Variants in HMGXB4 observed in about 807,000 individuals in gnomAD.
The protein encoded by HMGXB4 is HMG-box containing 4, also known as HMG domain-containing protein 4.
Under a neutral mutation model 63.9 loss-of-function variants are expected in HMGXB4, and 27 were observed. That is an observed-to-expected ratio of 0.42 (90% CI 0.31 to 0.58). HMGXB4 has a LOEUF of 0.58. HMGXB4 is among the 20% of genes least tolerant of loss of function. The pLI is 0.13. For missense variants in HMGXB4, 624 were observed against 700.7 expected (o/e 0.89, Z 1.24); for synonymous variants, 264 against 265.3 (o/e 0.99, Z 0.05).
At chr22:35,274,829 T>A (rs1163341104) in intron 5 of HMGXB4, among the ~76,000 whole-genome samples, 1 of 152,246 alleles carries the variant, frequency 6.6e-6, no homozygotes, top group African/African-American at 2.4e-5. Context: ...ATCTGCTGGT[T>A]TTCCTTTTAG....
chr22:35,265,328 C>CAGAATA lies in HMGXB4; in HGVS notation c.940_941insAGAATA (p.Tyr313_Arg314insGlnAsn), dbSNP rs1923149783. 6.2e-7 allele frequency: 1 copy of CAGAATA among 1,613,224 alleles called. No individual in the cohort carries two copies. On this transcript the variant is annotated inframe_insertion, in exon 5 of 11. Coordinates refer to ENST00000216106, the MANE Select transcript of HMGXB4 (RefSeq NM_001003681.3). ...GGAGTTAGTGATAGATGATTCTTAC[C>CAGAATA]GAGAAATCAAGAAGAAAAAGAAGTC...
intron 4 of HMGXB4, 37 bp from the exon 5 acceptor site, chr22:35,264,611 C>T: frequency 2.1e-6 from 3 of 1,435,084 alleles, no homozygotes; most frequent in Non-Finnish European, 1.9e-6. Flanking sequence ...AAGTTGCTTC[C>T]CATCATATTG....
chr22:35,243,333 G>C, the HMGXB4 span, among the ~76,000 whole-genome samples: 1 of 152,054 alleles, frequency 6.6e-6, no homozygotes, highest in Non-Finnish European at 1.5e-5. Context: ...TCACGCCATT[G>C]CACTCCAGCC....
intron 5 of HMGXB4, among the ~76,000 whole-genome samples, chr22:35,278,997 T>C (rs1404246978): frequency 6.6e-6 from 1 of 152,014 alleles, no homozygotes; most frequent in Non-Finnish European, 1.5e-5. Context: ...TAGTGAGCTA[T>C]GATCGCACCA....
intron 5 of HMGXB4, among the ~76,000 whole-genome samples, chr22:35,267,085 C>T (rs1923296496): frequency 6.7e-6 from 1 of 149,028 alleles, no homozygotes; most frequent in Non-Finnish European, 1.5e-5. Flanking sequence ...AGAAAGTCTG[C>T]TTATATCTAT....
At chr22:35,249,428 AT>A in the HMGXB4 span, among the ~76,000 whole-genome samples, 1 of 97,988 alleles carries the variant, frequency 1.0e-5, no homozygotes, top group African/African-American at 2.6e-5. Context: ...AAACTTTTTA[AT>A]TTTTTTTAAC....
chr22:35,284,029 A>G lies in HMGXB4; in HGVS notation c.1283A>G (p.Asp428Gly), dbSNP rs1178579210. 2 of 1,613,004 alleles carry G rather than the reference A, an allele frequency of 1.2e-6. No homozygotes were observed. The highest frequency in any genetic ancestry group is 3.3e-5 in the Admixed American group (2 of 60,022). Residue 428 changes from aspartate (D) to glycine (G), a missense_variant, in exon 6 of 11, where the codon GAC becomes GGC. Coordinates refer to ENST00000216106, the MANE Select transcript of HMGXB4 (RefSeq NM_001003681.3). ...CKEYRVTIVA[D>G]HPGIDFGELS... The stretch of plus-strand genomic sequence containing the variant: ...GAGTATCGCGTGACCATTGTGGCTG[A>G]CCATCCAGGTATAGGTAAGAACATT...
At chr22:35,283,393 A>G in intron 5 of HMGXB4, among the ~76,000 whole-genome samples, 1 of 152,248 alleles carries the variant, frequency 6.6e-6, no homozygotes. Context: ...GGGATTGTAT[A>G]TAGGGAGAAG....
At chr22:35,279,323 T>C (rs1294449396) in intron 5 of HMGXB4, among the ~76,000 whole-genome samples, 1 of 151,888 alleles carries the variant, frequency 6.6e-6, no homozygotes, top group Non-Finnish European at 1.5e-5. Context: ...TAATTTTGTA[T>C]TTTTAGTAGA....
chr22:35,264,645 T>A lies in HMGXB4; in HGVS notation c.260-3T>A, dbSNP rs372894941. On this transcript the variant is annotated splice_polypyrimidine_tract_variant and splice_region_variant and intron_variant, in intron 4 of 10. Coordinates refer to ENST00000216106, the MANE Select transcript of HMGXB4 (RefSeq NM_001003681.3). The stretch of plus-strand genomic sequence containing the variant: ...TGACAGTACTTCTCTTGATTATTTC[T>A]AGATATTTCGTCTTTGGAATCGTCA... 59 of 1,553,560 alleles carry A rather than the reference T, an allele frequency of 3.8e-5. No individual in the cohort carries two copies. The highest frequency in any genetic ancestry group is 5.1e-5 in the Non-Finnish European group (59 of 1,152,710).
intron 5 of HMGXB4, among the ~76,000 whole-genome samples, chr22:35,274,444 T>C (rs1430689428): frequency 6.6e-6 from 1 of 152,222 alleles, no homozygotes; most frequent in South Asian, 2.1e-4. Flanking sequence ...GAGTAGGAAT[T>C]GGCAAAGCAC....
intron 1 of HMGXB4, among the ~76,000 whole-genome samples, chr22:35,258,787 C>T (rs942621145): frequency 1.3e-5 from 2 of 152,222 alleles, no homozygotes; most frequent in Non-Finnish European, 2.9e-5. Context: ...ATTTTGAGTT[C>T]TTGAAAGGAG....
intron 6 of HMGXB4, 31 bp downstream of exon 6, chr22:35,284,074 G>T: frequency 6.8e-7 from 1 of 1,467,320 alleles, no homozygotes; most frequent in Non-Finnish European, 9.5e-7. Flanking sequence ...TAGCGCTTTT[G>T]CTTTCCATTT....
At chr22:35,266,080 T>C (rs970119770) in intron 5 of HMGXB4, among the ~76,000 whole-genome samples, 2 of 151,892 alleles carry the variant, frequency 1.3e-5, no homozygotes, top group African/African-American at 2.4e-5. Context: ...TGAGCCACCA[T>C]GCCCGGCCTA....
intron 5 of HMGXB4, among the ~76,000 whole-genome samples, chr22:35,272,849 G>A (rs1456014588): frequency 6.6e-6 from 1 of 152,174 alleles, no homozygotes; most frequent in Non-Finnish European, 1.5e-5. Context: ...CAGGAGAATC[G>A]CTTGAACCCG....
chr22:35,262,259 C>A (rs748892548), intron 1 of HMGXB4, 64 bp from the exon 2 acceptor site: 1 of 882,868 alleles, frequency 1.1e-6, no homozygotes. Flanking sequence ...GCATTTCCAT[C>A]TGGAAGGTTG....
the HMGXB4 span, among the ~76,000 whole-genome samples, chr22:35,245,252 G>C: frequency 6.6e-6 from 1 of 151,198 alleles, no homozygotes; most frequent in African/African-American, 2.4e-5. Flanking sequence ...TTCTGCCGTT[G>C]AGCTCATCCA....
intron 5 of HMGXB4, among the ~76,000 whole-genome samples, chr22:35,269,354 G>A (rs544767789): frequency 6.6e-6 from 1 of 152,276 alleles, no homozygotes; most frequent in East Asian, 1.9e-4. Flanking sequence ...CTCCAGCCTG[G>A]GTGACAGTGT....
Position 35,263,109 on chromosome 22 carries a change from C to A in HMGXB4, c.63C>A (p.Asp21Glu). 4 of 1,613,924 alleles carry A rather than the reference C, an allele frequency of 2.5e-6. No homozygotes were observed. The highest frequency in any genetic ancestry group is 2.5e-6 in the Non-Finnish European group (3 of 1,179,938). Reference sequence around the variant, plus strand: ...TTGATGGTGATCATACCTTTGAGGACATAGGACTTGCAGCTGGCCGAAGCC... The same window carrying A: ...TTGATGGTGATCATACCTTTGAGGAAATAGGACTTGCAGCTGGCCGAAGCC... ...DCFDGDHTFE[D>E]IGLAAGRSQR... The change falls in exon 3 of 11, where the codon GAC (aspartate) becomes GAA (glutamate). Residue 21 changes from aspartate to glutamate, a missense_variant. By Grantham distance (45) the Asp-to-Glu change is conservative. Coordinates refer to ENST00000216106, the MANE Select transcript of HMGXB4 (RefSeq NM_001003681.3).
Sources: allele counts gnomAD v4.1 joint callset (sites outside exome capture counted in the v4.1 genomes callset), GRCh38; gene constraint gnomAD v4.1.1; transcripts MANE v1.5; gene names NCBI Gene and HGNC (gene_info 2026-07-23, HGNC 2026-07-21).